EXOC4: variants seen among roughly 807,000 people sequenced by gnomAD.
EXOC4 encodes SEC8-like 1.
EXOC4 carries 71 observed loss-of-function variants against 107.2 expected under a neutral mutation model. That is an observed-to-expected ratio of 0.66 (90% CI 0.55 to 0.81). The LOEUF is 0.81. Ranked by LOEUF, EXOC4 falls within the 30% of genes least tolerant of loss-of-function variation. The probability of loss-of-function intolerance (pLI) is 0.00; values close to 1 mark genes in which losing one functional copy is unlikely to be tolerated. For synonymous variants in EXOC4, 456 were observed against 441.2 expected, an observed-to-expected ratio of 1.03 and a Z score of -0.42; for missense variants, 1,108 against 1,189.6, an observed-to-expected ratio of 0.93 and a Z score of 1.01.
chr7:134,076,966 G>T, the EXOC4 span, among the ~76,000 whole-genome samples: 1 of 149,972 alleles, frequency 6.7e-6, no homozygotes, highest in Non-Finnish European at 1.5e-5. Context: ...ATATGTGTGT[G>T]TGTGTGTATA....
chr7:133,534,108 A>AT (rs1386758953), intron 9 of EXOC4, among the ~76,000 whole-genome samples: 2 of 152,004 alleles, frequency 1.3e-5, no homozygotes, highest in Non-Finnish European at 2.9e-5. Flanking sequence ...TGTTCCCTGT[A>AT]TTTTCATAAT....
At chr7:133,652,236 G>A (rs1803175358) in intron 10 of EXOC4, among the ~76,000 whole-genome samples, 1 of 152,102 alleles carries the variant, frequency 6.6e-6, no homozygotes, top group Admixed American at 6.6e-5. Context: ...AATATGAATT[G>A]TTATTACTTT....
At chr7:133,857,182 A>T (rs370760035) in intron 11 of EXOC4, among the ~76,000 whole-genome samples, 2 of 17,926 alleles carry the variant, frequency 1.1e-4, no homozygotes, top group Non-Finnish European at 1.8e-4. Flanking sequence ...ATATATATAT[A>T]TATATATATA....
At chr7:133,450,386 C>T (rs757697112) in intron 7 of EXOC4, among the ~76,000 whole-genome samples, 3 of 152,178 alleles carry the variant, frequency 2.0e-5, no homozygotes. Context: ...TGATCTTGAA[C>T]TCCTGTCCTC....
chr7:134,086,108 C>G, the EXOC4 span, among the ~76,000 whole-genome samples: 4 of 152,172 alleles, frequency 2.6e-5, no homozygotes, highest in African/African-American at 4.8e-5. Context: ...CAGTCATTAG[C>G]TGACCACTAA....
intron 9 of EXOC4, among the ~76,000 whole-genome samples, chr7:133,621,445 G>T (rs180721744): frequency 6.6e-6 from 1 of 152,148 alleles, no homozygotes; most frequent in Admixed American, 6.5e-5. Context: ...CTAGGAGAGA[G>T]TCTTACTTGA....
At chr7:133,720,040 G>A (rs748164054) in intron 10 of EXOC4, among the ~76,000 whole-genome samples, 87 of 152,188 alleles carry the variant, frequency 5.7e-4, no homozygotes, top group Non-Finnish European at 1.3e-4. Context: ...ACGTTTGGCT[G>A]TGGACCTCTT....
chr7:133,506,106 A>G (rs1799660747), intron 9 of EXOC4, among the ~76,000 whole-genome samples: 1 of 152,102 alleles, frequency 6.6e-6, no homozygotes, highest in African/African-American at 2.4e-5. Flanking sequence ...TGGTTAGCTT[A>G]TTTGTTAGTT....
chr7:133,262,217 C>T (rs753215531), intron 1 of EXOC4, among the ~76,000 whole-genome samples: 15 of 152,130 alleles, frequency 9.9e-5, no homozygotes, highest in Admixed American at 3.3e-4. Flanking sequence ...CTGTTTAAAG[C>T]GATGGCAGCT....
At chr7:133,521,907 C>T (rs1799987631) in intron 9 of EXOC4, among the ~76,000 whole-genome samples, 1 of 152,108 alleles carries the variant, frequency 6.6e-6, no homozygotes, top group Admixed American at 6.5e-5. Flanking sequence ...GTGTGAGCCA[C>T]CATGCCCGGC....
At chr7:133,390,018 C>A (rs903603431) in intron 7 of EXOC4, among the ~76,000 whole-genome samples, 6 of 152,132 alleles carry the variant, frequency 3.9e-5, no homozygotes, top group Non-Finnish European at 7.3e-5. Flanking sequence ...TCAGTCACCT[C>A]CCACTGGGTC....
chr7:133,644,610 T>C (rs1802941991), intron 10 of EXOC4, among the ~76,000 whole-genome samples: 1 of 152,196 alleles, frequency 6.6e-6, no homozygotes, highest in Non-Finnish European at 1.5e-5. Flanking sequence ...AGTTGAGGCT[T>C]GGACAGTTTC....
intron 12 of EXOC4, among the ~76,000 whole-genome samples, chr7:133,905,570 G>C (rs1223837614): frequency 6.6e-6 from 1 of 152,140 alleles, no homozygotes; most frequent in Non-Finnish European, 1.5e-5. Flanking sequence ...ATAATTTAAA[G>C]ATTGGAAATC....
intron 2 of EXOC4, among the ~76,000 whole-genome samples, chr7:133,286,587 A>G (rs1379318480): frequency 1.3e-5 from 2 of 152,198 alleles, no homozygotes; most frequent in Non-Finnish European, 2.9e-5. Context: ...CTTGTCCATA[A>G]TGATTGGGTA....
At chr7:133,769,234 T>A (rs1796198301) in intron 10 of EXOC4, among the ~76,000 whole-genome samples, 1 of 151,970 alleles carries the variant, frequency 6.6e-6, no homozygotes, top group South Asian at 2.1e-4. Flanking sequence ...ATTCTGTACT[T>A]GTATCCGGAA....
intron 10 of EXOC4, among the ~76,000 whole-genome samples, chr7:133,661,672 T>TAAAAA (rs1177627198): frequency 0.024 from 311 of 13,138 alleles, 8 homozygotes; most frequent in East Asian, 0.035. Flanking sequence ...TCCTTAAAAC[T>TAAAAA]AAAAAAAAAA....
chr7:133,278,481 A>G (rs1794050656), intron 2 of EXOC4, among the ~76,000 whole-genome samples: 2 of 152,132 alleles, frequency 1.3e-5, no homozygotes, highest in South Asian at 4.1e-4. Flanking sequence ...GGCTTCACTG[A>G]GGGCCCATAT....
intron 10 of EXOC4, among the ~76,000 whole-genome samples, chr7:133,698,635 A>G (rs980572981): frequency 3.0e-4 from 46 of 152,014 alleles, no homozygotes; most frequent in African/African-American, 1.0e-3. Context: ...TTTTCACACT[A>G]CAGACTAGAC....
chr7:133,811,501 A>G (rs1487961914), intron 10 of EXOC4, among the ~76,000 whole-genome samples: 1 of 152,198 alleles, frequency 6.6e-6, no homozygotes, highest in African/African-American at 2.4e-5. Flanking sequence ...TAAAATAAAG[A>G]CTCACCAAAA....
Sources: allele counts gnomAD v4.1 joint callset (sites outside exome capture counted in the v4.1 genomes callset), GRCh38; gene constraint gnomAD v4.1.1; transcripts MANE v1.5; gene names NCBI Gene and HGNC (gene_info 2026-07-23, HGNC 2026-07-21).